The following RUNX1 variants were observed in gnomAD, a reference collection of about 807,000 sequenced individuals.
The protein encoded by RUNX1 is RUNX family transcription factor 1, also known as runt-related transcription factor 1.
RUNX1 carries 19 observed loss-of-function variants against 42.8 expected under a neutral mutation model. That is an observed-to-expected ratio of 0.44 (90% CI 0.31 to 0.65). RUNX1 has a LOEUF of 0.65. Ranked by LOEUF, RUNX1 falls within the 30% of genes least tolerant of loss-of-function variation. RUNX1 has a pLI of 0.07. For synonymous variants in RUNX1, 271 were observed against 289.4 expected, an observed-to-expected ratio of 0.94 and a Z score of 0.64; for missense variants, 528 against 672.0, an observed-to-expected ratio of 0.79 and a Z score of 2.37.
At chr21:34,875,615 T>A (rs1284024246) in intron 5 of RUNX1, among the ~76,000 whole-genome samples, 2 of 152,176 alleles carry the variant, frequency 1.3e-5, no homozygotes, top group African/African-American at 4.8e-5. Context: ...GTGAAACAAC[T>A]CTGGGGTGGT....
At chr21:34,910,809 T>G (rs2058266362) in intron 2 of RUNX1, among the ~76,000 whole-genome samples, 1 of 151,986 alleles carries the variant, frequency 6.6e-6, no homozygotes, top group East Asian at 1.9e-4. Flanking sequence ...TGAAACAAGG[T>G]CTCACTCTGT....
intron 5 of RUNX1, among the ~76,000 whole-genome samples, chr21:34,867,743 T>C (rs1367103569): frequency 6.6e-6 from 1 of 152,202 alleles, no homozygotes; most frequent in African/African-American, 2.4e-5. Context: ...CCCTAGGATC[T>C]CAGCTGGGGA....
At chr21:34,937,506 C>A (rs1353085853) in intron 2 of RUNX1, among the ~76,000 whole-genome samples, 3 of 151,920 alleles carry the variant, frequency 2.0e-5, no homozygotes, top group Admixed American at 2.0e-4. Flanking sequence ...AATTAAATAA[C>A]TATCAAGCAT....
chr21:34,922,674 G>A (rs1247897972), intron 2 of RUNX1, among the ~76,000 whole-genome samples: 2 of 152,162 alleles, frequency 1.3e-5, no homozygotes, highest in Non-Finnish European at 2.9e-5. Flanking sequence ...ATTGCCTGCT[G>A]GAGTCCCCCC....
At chr21:34,838,313 T>C (rs1267773641) in intron 6 of RUNX1, among the ~76,000 whole-genome samples, 1 of 152,138 alleles carries the variant, frequency 6.6e-6, no homozygotes, top group Admixed American at 6.5e-5. Flanking sequence ...TTTGGTTAGA[T>C]AGAATAAAGA....
chr21:34,997,658 G>T (rs577749570), intron 2 of RUNX1, among the ~76,000 whole-genome samples: 1 of 151,794 alleles, frequency 6.6e-6, no homozygotes, highest in Non-Finnish European at 1.5e-5. Context: ...AGGCAGGAAC[G>T]TCTTACCAGG....
intron 7 of RUNX1, among the ~76,000 whole-genome samples, chr21:34,823,441 T>A (rs1205322834): frequency 2.6e-3 from 37 of 14,288 alleles, no homozygotes; most frequent in African/African-American, 2.8e-3. Flanking sequence ...TTTTTTTTTT[T>A]TTTTTTTTTT....
At chr21:34,943,228 C>T (rs576868378) in intron 2 of RUNX1, among the ~76,000 whole-genome samples, 7 of 152,270 alleles carry the variant, frequency 4.6e-5, no homozygotes, top group Non-Finnish European at 1.0e-4. Flanking sequence ...GTGTTTTTCA[C>T]CCTGTGTGGA....
chr21:34,996,512 A>AT (rs2058997578), intron 2 of RUNX1, among the ~76,000 whole-genome samples: 1 of 152,038 alleles, frequency 6.6e-6, no homozygotes, highest in South Asian at 2.1e-4. Flanking sequence ...GTGTCAGCCC[A>AT]CGAGATGCTG....
rs565576999 is a variant in RUNX1, at chr21:35,018,184, T to G, written c.58+30658A>C. Among the ~76,000 whole-genome samples the G allele has an allele frequency of 4.3e-4, 65 of 152,188 alleles. 2 individuals are homozygous for G. In the South Asian group the frequency reaches 0.013, roughly 30 times the overall value. On this transcript the variant is annotated intron_variant, in intron 2 of 8. Transcript: ENST00000675419. Reference sequence around the variant, plus strand: ...GGGACTACAGGCACATGCCACCATGTCCAGATAATTTTTGCATTTTTAGTA... The same window carrying G: ...GGGACTACAGGCACATGCCACCATGGCCAGATAATTTTTGCATTTTTAGTA...
intron 7 of RUNX1, among the ~76,000 whole-genome samples, chr21:34,824,711 T>C (rs576318256): frequency 2.9e-4 from 44 of 152,318 alleles, no homozygotes; most frequent in Admixed American, 1.7e-3. Context: ...TGGGGTGTTC[T>C]GAGGGCCAGA....
At chr21:34,808,522 C>T (rs1418460310) in intron 7 of RUNX1, among the ~76,000 whole-genome samples, 2 of 152,144 alleles carry the variant, frequency 1.3e-5, no homozygotes, top group Non-Finnish European at 2.9e-5. Flanking sequence ...TCAGGCCGCC[C>T]CCAACCCTGC....
At chr21:35,024,667 ATTTTCT>A (rs1457820106) in intron 2 of RUNX1, among the ~76,000 whole-genome samples, 1 of 152,104 alleles carries the variant, frequency 6.6e-6, no homozygotes, top group Non-Finnish European at 1.5e-5. Context: ...CCAGGCTTTT[ATTTTCT>A]TTTTAACTAG....
intron 2 of RUNX1, among the ~76,000 whole-genome samples, chr21:34,949,114 C>T (rs553622116): frequency 2.0e-5 from 3 of 152,178 alleles, no homozygotes; most frequent in Admixed American, 1.3e-4. Context: ...CCCCATCCCC[C>T]CAAACAGCTA....
rs2145859839 is a variant in RUNX1, at chr21:34,789,081, TGCTGGTTTGGACA to T, written c.*3041_*3053del. Reference sequence around the variant, plus strand: ...TGATTGTGATTTGCCCAGGAAAGTTTGCTGGTTTGGACAGCAAGCAGATCCAATATGGTTGGCA... The same window carrying T: ...TGATTGTGATTTGCCCAGGAAAGTTTGCAAGCAGATCCAATATGGTTGGCA... On this transcript the variant is annotated 3_prime_UTR_variant, in exon 9 of 9. Coordinates refer to ENST00000675419, the MANE Select transcript of RUNX1 (RefSeq NM_001754.5). The T allele has an allele frequency of 4.3e-6, 1 of 233,318 alleles. No individual in the cohort carries two copies. Among genetic ancestry groups the T allele is most frequent in the Admixed American group, 5.6e-5 (1 of 17,794 alleles). 14.5% of individuals were successfully genotyped at this position (233,318 alleles called of 1,614,324 possible). A position where few individuals can be genotyped will look rare whatever the true frequency, so the allele number is the denominator to read the frequency against.
At chr21:35,009,731 C>A (rs1430154815) in intron 2 of RUNX1, among the ~76,000 whole-genome samples, 1 of 152,100 alleles carries the variant, frequency 6.6e-6, no homozygotes, top group South Asian at 2.1e-4. Context: ...ACACACCATG[C>A]TTCTGATTTA....
chr21:34,932,761 G>A (rs2058457402), intron 2 of RUNX1, among the ~76,000 whole-genome samples: 1 of 152,112 alleles, frequency 6.6e-6, no homozygotes, highest in African/African-American at 2.4e-5. Flanking sequence ...ACTACTAAGT[G>A]ATACATTCTA....
At chr21:35,022,089 T>A (rs931667971) in intron 2 of RUNX1, among the ~76,000 whole-genome samples, 1 of 152,194 alleles carries the variant, frequency 6.6e-6, no homozygotes. Context: ...TTGCTGGGGA[T>A]CATTGTCCCC....
At chr21:34,987,378 G>C (rs986074497) in intron 2 of RUNX1, among the ~76,000 whole-genome samples, 19 of 152,178 alleles carry the variant, frequency 1.2e-4, no homozygotes, top group Non-Finnish European at 4.4e-5. Flanking sequence ...AGATCTTCGG[G>C]GCTCCAGACA....
Sources: gnomAD v4.1 joint callset for allele counts (sites outside exome capture counted in the v4.1 genomes callset) on GRCh38, gnomAD v4.1.1 for gene constraint, MANE v1.5 for transcripts, NCBI Gene and HGNC (gene_info 2026-07-23, HGNC 2026-07-21) for gene names.